SAMM50: variants seen among roughly 807,000 people sequenced by gnomAD.
The protein encoded by SAMM50 is SAMM50 sorting and assembly machinery component.
SAMM50 carries 47 observed loss-of-function variants against 66.9 expected under a neutral mutation model. That is an observed-to-expected ratio of 0.70 (90% CI 0.56 to 0.90). SAMM50 has a LOEUF of 0.90. Among genes scored for constraint, SAMM50 ranks in the 40% least tolerant of loss-of-function variants. The pLI is 0.00. For synonymous variants in SAMM50, 191 were observed against 214.1 expected, an observed-to-expected ratio of 0.89 and a Z score of 0.94; for missense variants, 535 against 595.3, an observed-to-expected ratio of 0.90 and a Z score of 1.05.
At chr22:43,970,429 C>T (rs1289358520) in intron 4 of SAMM50, among the ~76,000 whole-genome samples, 1 of 152,168 alleles carries the variant, frequency 6.6e-6, no homozygotes, top group Non-Finnish European at 1.5e-5. Flanking sequence ...GCACCGTGTC[C>T]TCATTCCAGT....
chr22:43,960,648 G>T (rs549689740), intron 1 of SAMM50, among the ~76,000 whole-genome samples: 1 of 152,160 alleles, frequency 6.6e-6, no homozygotes, highest in African/African-American at 2.4e-5. Context: ...AGAATGGCTC[G>T]AACCCGGGAG....
At chr22:43,955,635 TG>T in intron 1 of SAMM50, 37 bp downstream of exon 1, 1 of 1,567,512 alleles carries the variant, frequency 6.4e-7, no homozygotes, top group Non-Finnish European at 8.6e-7. Context: ...GCGAGGCCTC[TG>T]GGCCAGCAGG....
chr22:43,993,822 TC>T (rs1253563273), intron 14 of SAMM50, among the ~76,000 whole-genome samples: 1 of 152,190 alleles, frequency 6.6e-6, no homozygotes, highest in East Asian at 1.9e-4. Context: ...TCCACAGGTT[TC>T]CCCCATAACT....
At chr22:43,963,085 T>C (rs2050155377) in intron 1 of SAMM50, 2 of 399,744 alleles carry the variant, frequency 5.0e-6, no homozygotes, top group African/African-American at 4.1e-5. Flanking sequence ...ACCAGTGAGT[T>C]AACCACCAAG....
At position 43,968,196 on chromosome 22, in the gene SAMM50, C is replaced by T. The variant is rs551476487; in HGVS notation, c.235-535C>T. ...GAGCTGAGATTGCACCGTTGCACTCCAGCCTGGGCAGCAGAGCGAAACTCT... is the reference window on the plus strand; with the variant it reads ...GAGCTGAGATTGCACCGTTGCACTCTAGCCTGGGCAGCAGAGCGAAACTCT... On this transcript the variant is annotated intron_variant, in intron 3 of 14. Coordinates refer to ENST00000350028, the MANE Select transcript of SAMM50 (RefSeq NM_015380.5). Among the ~76,000 whole-genome samples the T allele has an allele frequency of 6.4e-4, 86 of 134,828 alleles. 1 individual carries two copies. Among genetic ancestry groups the T allele is most frequent in the African/African-American group, 2.3e-3 (80 of 35,138 alleles). The allele number at this position is 134,828 out of a possible 152,430, so 88.5% of individuals were successfully genotyped here.
intron 7 of SAMM50, chr22:43,975,127 G>C (rs79564131): frequency 0.011 from 1,719 of 152,480 alleles, 16 homozygotes; most frequent in Non-Finnish European, 0.018. Context: ...TTGGGAAAGT[G>C]CCTGAATCCC....
intron 10 of SAMM50, among the ~76,000 whole-genome samples, chr22:43,978,933 A>G (rs1022431731): frequency 8.5e-5 from 13 of 152,164 alleles, no homozygotes; most frequent in Non-Finnish European, 1.6e-4. Context: ...GCCCCTATTC[A>G]GCCCTTGACT....
At position 43,959,706 on chromosome 22, in the gene SAMM50, T is replaced by G. The variant is rs184157715; in HGVS notation, c.22-3580T>G. On this transcript the variant is annotated intron_variant, in intron 1 of 14. Transcript: ENST00000350028. ...TATTTTAGCGCATTTTACCAAACAC[T>G]CACCCCATGCCTATTATTCTAGGCA... Among the ~76,000 whole-genome samples the G allele has an allele frequency of 3.3e-5, 5 of 152,170 alleles. No individual in the cohort carries two copies. The East Asian group carries it at 9.6e-4, about 29-fold the overall frequency.
intron 10 of SAMM50, among the ~76,000 whole-genome samples, chr22:43,981,093 C>T (rs761329560): frequency 8.5e-5 from 13 of 152,252 alleles, no homozygotes; most frequent in African/African-American, 1.4e-4. Flanking sequence ...TGCTGCTGGG[C>T]GTCACTTCCC....
rs1177721675 is a variant in SAMM50 at position 43,972,890 on chromosome 22, C to T, written c.449C>T (p.Pro150Leu). The T allele has an allele frequency of 2.5e-6, 4 of 1,595,654 alleles. No individual in the cohort carries two copies. The highest frequency in any genetic ancestry group is 1.8e-5 in the Admixed American group (1 of 54,400). ...EGSMVLGLKL[P>L]NLLGRAEKVT... ...TCCTAGGTACTTGGCCTCAAGCTTC[C>T]TAATCTTCTTGGTCGTGCAGAAAAG... The change falls in exon 6 of 15, where the codon CCT becomes CTT. Residue 150 changes from proline to leucine, a missense_variant. Pro to Leu is a moderately conservative substitution (Grantham distance 98). Coordinates refer to ENST00000350028, the MANE Select transcript of SAMM50 (RefSeq NM_015380.5).
intron 3 of SAMM50, among the ~76,000 whole-genome samples, chr22:43,967,754 A>ATTC (rs2050180887): frequency 1.3e-5 from 2 of 152,060 alleles, no homozygotes; most frequent in African/African-American, 4.8e-5. Context: ...TGCAGGGTGG[A>ATTC]ATCTCAACTT....
chr22:43,960,672 T>C (rs2050143257), intron 1 of SAMM50, among the ~76,000 whole-genome samples: 2 of 152,020 alleles, frequency 1.3e-5, no homozygotes, highest in Non-Finnish European at 2.9e-5. Flanking sequence ...GAGGTTGCAG[T>C]GAGCCGAGAT....
intron 1 of SAMM50, among the ~76,000 whole-genome samples, chr22:43,962,150 C>T (rs9626067): frequency 0.057 from 8,650 of 152,294 alleles, 268 homozygotes; most frequent in Middle Eastern, 0.078. Flanking sequence ...CTACTTTAAA[C>T]GTGCTCACGA....
intron 12 of SAMM50, chr22:43,987,622 T>C (rs9625970): frequency 0.05 from 7,659 of 152,244 alleles, 232 homozygotes; most frequent in Middle Eastern, 0.092. Context: ...TAGAAATTCA[T>C]TGAGCTGTAC....
Position 43,994,433 on chromosome 22 carries a change from G to C in SAMM50, c.1365-1905G>C, listed in dbSNP as rs951915650. ...CAACTGCACCTGGTGTTGGAAGTGA[G>C]AGCCAGGTGGAGAGGCTCCTGGCGT... On this transcript the variant is annotated intron_variant, in intron 14 of 14. Transcript: ENST00000350028. 1.1e-4 allele frequency among the ~76,000 whole-genome samples: 17 copies of C among 152,180 alleles called. 1 individual carries two copies. The East Asian group carries it at 3.3e-3, about 29-fold the overall frequency.
At chr22:43,977,639 G>A (rs555650068) in intron 9 of SAMM50, among the ~76,000 whole-genome samples, 6 of 152,336 alleles carry the variant, frequency 3.9e-5, no homozygotes, top group African/African-American at 1.4e-4. Flanking sequence ...AGTGCTCCCT[G>A]CACACAGCCA....
chr22:43,980,408 G>A (rs1320837025), intron 10 of SAMM50, among the ~76,000 whole-genome samples: 1 of 151,300 alleles, frequency 6.6e-6, no homozygotes, highest in Non-Finnish European at 1.5e-5. Context: ...AGAAGGGGAT[G>A]CCATCTAGTT....
chr22:43,972,969 C>A lies in SAMM50; in HGVS notation c.528C>A (p.Phe176Leu), dbSNP rs2050211565. 6.3e-7 allele frequency: 1 copy of A among 1,597,138 alleles called. No homozygotes were observed. The highest frequency in any genetic ancestry group is 8.5e-7 in the Non-Finnish European group (1 of 1,176,270). The change falls in exon 6 of 15, where the codon TTC (phenylalanine) becomes TTA (leucine). Residue 176 changes from phenylalanine (F) to leucine (L), a missense_variant. Phe to Leu is a conservative substitution (Grantham distance 22). Transcript: ENST00000350028. ...AAGAAACTTCGTATGGCCTGTCCTT[C>A]TTCAAACCACGGCCCGGAAACTTCG... ...GTKETSYGLS[F>L]FKPRPGNFER...
At chr22:43,957,679 C>T (rs568540552) in intron 1 of SAMM50, among the ~76,000 whole-genome samples, 1 of 152,314 alleles carries the variant, frequency 6.6e-6, no homozygotes, top group South Asian at 2.1e-4. Flanking sequence ...CCGCCTCGGC[C>T]TCCCAAAGTG....
Sources: gnomAD v4.1 joint callset for allele counts (sites outside exome capture counted in the v4.1 genomes callset) on GRCh38, gnomAD v4.1.1 for gene constraint, MANE v1.5 for transcripts, NCBI Gene and HGNC (gene_info 2026-07-23, HGNC 2026-07-21) for gene names.